Variants in WDR31 observed in about 807,000 individuals in gnomAD.
WDR31 encodes the protein WD repeat domain 31, also known as WD repeat-containing protein 31.
A neutral mutation model predicts 47.3 loss-of-function variants in WDR31; 30 were observed. The observed-to-expected ratio is 0.63, with a 90% confidence interval of 0.47 to 0.86. The LOEUF (loss-of-function observed/expected upper bound fraction) is 0.86, where lower values mean the gene tolerates loss of function less well. Among genes scored for constraint, WDR31 ranks in the 40% least tolerant of loss-of-function variants. The pLI, the probability that WDR31 is intolerant of heterozygous loss-of-function variation, is 0.00. For synonymous variants in WDR31, 137 were observed against 159.4 expected, an observed-to-expected ratio of 0.86 and a Z score of 1.06; for missense variants, 406 against 442.9, an observed-to-expected ratio of 0.92 and a Z score of 0.75.
chr9:113,329,487 A>G, intron 4 of WDR31, among the ~76,000 whole-genome samples: 1 of 144,830 alleles, frequency 6.9e-6, no homozygotes, highest in East Asian at 2.1e-4. Flanking sequence ...CTAAAAATAC[A>G]AAATAAGCCA....
rs771702060 is a variant in WDR31, at chr9:113,323,161, C to T, written c.325-6G>A. ...GATTTGGGAATACAGGCTACCTGCT[C>T]AGGGAAAAAACAACAACACTGAAAT... On this transcript the variant is annotated splice_region_variant and splice_polypyrimidine_tract_variant and intron_variant, in intron 5 of 10. Transcript: ENST00000374193. The T allele has an allele frequency of 6.8e-6, 11 of 1,608,390 alleles. No homozygotes were observed. The East Asian group carries it at 2.2e-4, about 33-fold the overall frequency.
intron 2 of WDR31, among the ~76,000 whole-genome samples, chr9:113,333,580 A>G (rs1833648714): frequency 6.6e-6 from 1 of 150,684 alleles, no homozygotes; most frequent in African/African-American, 2.4e-5. Flanking sequence ...ACGGGGTTTC[A>G]CCTTGTTAGC....
At position 113,319,566 on chromosome 9, in the gene WDR31, G is replaced by A. The variant is rs141551961; in HGVS notation, c.780+791C>T. 7.9e-5 allele frequency among the ~76,000 whole-genome samples: 12 copies of A among 152,268 alleles called. No individual in the cohort carries two copies. The East Asian group carries it at 2.1e-3, about 27-fold the overall frequency. On this transcript the variant is annotated intron_variant, in intron 9 of 10. Transcript: ENST00000374193. ...ACACAAGAAATGTTCAATAAAATAG[G>A]AGGCATAATTGTTCTGTTTGAATAC...
chr9:113,333,745 T>C (rs1244769152), intron 2 of WDR31, among the ~76,000 whole-genome samples: 1 of 152,098 alleles, frequency 6.6e-6, no homozygotes, highest in East Asian at 1.9e-4. Flanking sequence ...ATGAAATAGA[T>C]GTTCTGAGAT....
At chr9:113,319,121 T>C (rs528078683) in intron 9 of WDR31, among the ~76,000 whole-genome samples, 1 of 152,326 alleles carries the variant, frequency 6.6e-6, no homozygotes, top group South Asian at 2.1e-4. Flanking sequence ...TCTGATTTAA[T>C]GCCTAGATGC....
At chr9:113,322,697 T>A (rs771379261) in intron 7 of WDR31, 114 bp downstream of exon 7, 1 of 1,020,970 alleles carries the variant, frequency 9.8e-7, no homozygotes, top group Non-Finnish European at 1.4e-6. Context: ...GGGACAGCAA[T>A]TGGGACCCAG....
chr9:113,336,719 G>A (rs922583951), intron 1 of WDR31, among the ~76,000 whole-genome samples: 6 of 152,058 alleles, frequency 3.9e-5, no homozygotes, highest in Admixed American at 1.3e-4. Flanking sequence ...AGAGTTTACT[G>A]CTTTTGTGAA....
intron 10 of WDR31, 144 bp from the exon 11 acceptor site, chr9:113,317,053 GC>G: frequency 9.6e-7 from 1 of 1,041,206 alleles, no homozygotes; most frequent in East Asian, 2.6e-5. Context: ...TCAGAGGAAA[GC>G]ATACCAGGGA....
At chr9:113,327,567 T>C (rs1293974437) in intron 5 of WDR31, among the ~76,000 whole-genome samples, 2 of 152,226 alleles carry the variant, frequency 1.3e-5, no homozygotes, top group African/African-American at 4.8e-5. Context: ...TGGTTGATTA[T>C]GTCTTGATTT....
At chr9:113,326,809 A>C (rs12336439) in intron 5 of WDR31, among the ~76,000 whole-genome samples, 4,270 of 151,490 alleles carry the variant, frequency 0.028, 205 homozygotes, top group African/African-American at 0.098. Flanking sequence ...TTCCTCAAAT[A>C]TTTTCTCTCC....
rs1457799753 is a variant in WDR31, at chr9:113,331,136, TGA to T, written c.117-22_117-21del. 7.2e-7 allele frequency: 1 copy of T among 1,389,192 alleles called. No individual in the cohort carries two copies. The highest frequency in any genetic ancestry group is 2.2e-5 in the Admixed American group (1 of 44,810). 86.1% of individuals were successfully genotyped at this position (1,389,192 alleles called of 1,614,324 possible). ...GGCCTGCTAAAAAGAGTATAGAAAATGAGAGACCCAATGGCATGGGAGTGGAT... is the reference window on the plus strand; with the variant it reads ...GGCCTGCTAAAAAGAGTATAGAAAATGAGACCCAATGGCATGGGAGTGGAT... On this transcript the variant is annotated intron_variant, in intron 3 of 10. Coordinates refer to ENST00000374193, the MANE Select transcript of WDR31 (RefSeq NM_001012361.4).
intron 1 of WDR31, among the ~76,000 whole-genome samples, chr9:113,339,749 C>A (rs1833789765): frequency 6.6e-6 from 1 of 151,492 alleles, no homozygotes; most frequent in African/African-American, 2.4e-5. Flanking sequence ...TTTTTGTTTT[C>A]AAGAGACGGA....
intron 10 of WDR31, 39 bp downstream of exon 10, chr9:113,318,436 C>T (rs1243538802): frequency 4.3e-6 from 7 of 1,612,632 alleles, no homozygotes; most frequent in South Asian, 1.1e-5. Context: ...TTTAGGACTT[C>T]ATGTATCTTT....
In WDR31 at chr9:113,323,149, A is replaced by G. The variant is rs1452872586; in HGVS notation, c.331T>C (p.Cys111Arg). ...AAGAACTGGCTGGATTTGGGAATAC[A>G]GGCTACCTGCTCAGGGAAAAAACAA... ...GHEHEITKVA[C>R]IPKSSQFFSA... The change falls in exon 6 of 11, where the codon TGT becomes CGT. Residue 111 changes from cysteine (C) to arginine (R), a missense_variant. Physicochemically the swap from Cys to Arg is radical, Grantham distance 180. Coordinates refer to ENST00000374193, the MANE Select transcript of WDR31 (RefSeq NM_001012361.4). 6.2e-7 allele frequency: 1 copy of G among 1,613,382 alleles called. No homozygotes were observed. Among genetic ancestry groups the G allele is most frequent in the South Asian group, 1.1e-5 (1 of 90,892 alleles).
At position 113,318,528 on chromosome 9, in the gene WDR31, A is replaced by C; in HGVS notation, c.890T>G (p.Ile297Ser). The change falls in exon 10 of 11, where the codon ATT becomes AGT. Residue 297 changes from isoleucine to serine, a missense_variant. Coordinates refer to ENST00000374193, the MANE Select transcript of WDR31 (RefSeq NM_001012361.4). ...LPRALALMPLIATSSHDCKVK... is the reference protein window; with the variant it reads ...LPRALALMPLSATSSHDCKVK... ...CTTGCAATCATGTGATGAGGTAGCA[A>C]TTAAAGGCATCAAGGCCAATGCTCT... 6.2e-7 allele frequency: 1 copy of C among 1,614,246 alleles called. No individual in the cohort carries two copies.
chr9:113,321,078 C>T (rs1833316244), intron 8 of WDR31, among the ~76,000 whole-genome samples: 3 of 152,220 alleles, frequency 2.0e-5, no homozygotes. Flanking sequence ...ATTGGCTTTA[C>T]TGACTCCCCT....
chr9:113,316,734 G>A lies in WDR31; in HGVS notation c.*15C>T. ...GAGCCATGGTTTGATATTGTCCAGT[G>A]AGTGTCTCTTGGCCTCAGAATGCTG... On this transcript the variant is annotated 3_prime_UTR_variant, in exon 11 of 11. Coordinates refer to ENST00000374193, the MANE Select transcript of WDR31 (RefSeq NM_001012361.4). 1.2e-6 allele frequency: 2 copies of A among 1,611,434 alleles called. No homozygotes were observed. Among genetic ancestry groups the A allele is most frequent in the South Asian group, 1.1e-5 (1 of 90,576 alleles).
intron 9 of WDR31, 111 bp from the exon 10 acceptor site, chr9:113,318,748 C>T (rs1273969282): frequency 3.6e-5 from 40 of 1,115,558 alleles, no homozygotes; most frequent in Middle Eastern, 2.0e-4. Flanking sequence ...TACCTGCTCA[C>T]GTAGCTACCC....
intron 3 of WDR31, 107 bp from the exon 4 acceptor site, chr9:113,331,223 G>A (rs16932730): frequency 0.073 from 58,329 of 804,382 alleles, 3,974 homozygotes; most frequent in East Asian, 0.32. Flanking sequence ...ATTCAGGCCA[G>A]ACTAAGGAGA....
Sources: allele counts gnomAD v4.1 joint callset (sites outside exome capture counted in the v4.1 genomes callset), GRCh38; gene constraint gnomAD v4.1.1; transcripts MANE v1.5; gene names NCBI Gene and HGNC (gene_info 2026-07-23, HGNC 2026-07-21).